ATG7: variants seen among roughly 807,000 people sequenced by gnomAD.
ATG7 encodes ubiquitin-like modifier-activating enzyme ATG7.
In ATG7, 70 loss-of-function variants were observed where a neutral mutation model predicts 82.4. The ratio of observed to expected loss-of-function variants is 0.85; its 90% CI spans 0.70 to 1.04. The LOEUF is 1.04. ATG7 is among the 50% of genes least tolerant of loss of function. ATG7 has a pLI of 0.00. For missense variants in ATG7, 792 were observed against 864.3 expected, an observed-to-expected ratio of 0.92 and a Z score of 1.05; for synonymous variants, 287 against 313.0, an observed-to-expected ratio of 0.92 and a Z score of 0.88.
intron 20 of ATG7, among the ~76,000 whole-genome samples, chr3:11,542,488 C>G (rs929340767): frequency 1.3e-5 from 2 of 152,170 alleles, no homozygotes; most frequent in Non-Finnish European, 2.9e-5. Context: ...CTTAGCACTT[C>G]CTGGGAGGGA....
intron 9 of ATG7, among the ~76,000 whole-genome samples, chr3:11,330,853 AG>A (rs536348475): frequency 1.3e-4 from 20 of 152,238 alleles, no homozygotes; most frequent in Non-Finnish European, 2.4e-4. Context: ...GGGAAAGGGG[AG>A]GGAGGAAATA....
intron 1 of ATG7, among the ~76,000 whole-genome samples, chr3:11,275,056 A>G (rs1941410875): frequency 6.6e-6 from 1 of 152,062 alleles, no homozygotes; most frequent in South Asian, 2.1e-4. Context: ...GGATGAAGGC[A>G]GTGACAGTGG....
chr3:11,329,678 A>C lies in ATG7; in HGVS notation c.679-1662A>C, dbSNP rs532719223. ...TTTATTTTGGGATAATTTTAGATTT[A>C]CAGAAGATAGTGGCAAAGACAGTAC... On this transcript the variant is annotated intron_variant, in intron 9 of 20. Coordinates refer to ENST00000693202, the MANE Select transcript of ATG7 (RefSeq NM_001349232.2). 2.6e-5 allele frequency among the ~76,000 whole-genome samples: 4 copies of C among 152,330 alleles called. No individual in the cohort carries two copies. The East Asian group carries it at 7.7e-4, about 29-fold the overall frequency.
At chr3:11,352,138 G>C (rs561594572) in intron 14 of ATG7, among the ~76,000 whole-genome samples, 1 of 152,120 alleles carries the variant, frequency 6.6e-6, no homozygotes, top group Admixed American at 6.5e-5. Context: ...TGCTCAGAAT[G>C]ATGATTTCCA....
At chr3:11,392,475 A>AAAC (rs1553640639) in intron 19 of ATG7, among the ~76,000 whole-genome samples, 41 of 92,366 alleles carry the variant, frequency 4.4e-4, no homozygotes, top group South Asian at 2.5e-3. Context: ...AACAAACAAA[A>AAAC]AAAACAAAAC....
chr3:11,567,329 A>G, the ATG7 span, among the ~76,000 whole-genome samples: 1 of 152,156 alleles, frequency 6.6e-6, no homozygotes, highest in African/African-American at 2.4e-5. Flanking sequence ...TAAACCGAGT[A>G]TATTGATTAT....
intron 20 of ATG7, among the ~76,000 whole-genome samples, chr3:11,503,321 T>C (rs1286043878): frequency 6.6e-6 from 1 of 152,028 alleles, no homozygotes; most frequent in Non-Finnish European, 1.5e-5. Flanking sequence ...AAAAAGACAA[T>C]GTAAGGAGAT....
intron 20 of ATG7, among the ~76,000 whole-genome samples, chr3:11,535,749 TAGG>T (rs1424574565): frequency 2.0e-5 from 3 of 152,104 alleles, no homozygotes; most frequent in Non-Finnish European, 4.4e-5. Flanking sequence ...TTCTCAGTCT[TAGG>T]AGAGCTGTTC....
chr3:11,417,810 A>ATTTTTTTTTTTT (rs368598930), intron 19 of ATG7, among the ~76,000 whole-genome samples: 1 of 97,986 alleles, frequency 1.0e-5, no homozygotes, highest in Non-Finnish European at 2.0e-5. Context: ...ATTTTATTTT[A>ATTTTTTTTTTTT]TTTTATTTTT....
intron 20 of ATG7, among the ~76,000 whole-genome samples, chr3:11,445,325 G>A (rs774081101): frequency 6.6e-6 from 1 of 152,136 alleles, no homozygotes; most frequent in Non-Finnish European, 1.5e-5. Context: ...GTGGTAGACT[G>A]GATAAAGAAA....
At position 11,517,898 on chromosome 3, in the gene ATG7, G is replaced by A. The variant is rs144073041; in HGVS notation, c.2080-36913G>A. The stretch of plus-strand genomic sequence containing the variant: ...AGAACCAGAGTGTTTTTAGCAGGGT[G>A]GTGTGATCAGATTCCTACTTCAGAA... On this transcript the variant is annotated intron_variant, in intron 20 of 20. Transcript: ENST00000693202. Among the ~76,000 whole-genome samples, 633 of 152,338 alleles carry A rather than the reference G, an allele frequency of 4.2e-3. 4 individuals carry two copies. Among genetic ancestry groups the A allele is most frequent in the Admixed American group, 0.012 (187 of 15,296 alleles).
At chr3:11,551,664 A>G (rs1294266456) in intron 20 of ATG7, among the ~76,000 whole-genome samples, 2 of 152,112 alleles carry the variant, frequency 1.3e-5, no homozygotes, top group Non-Finnish European at 2.9e-5. Flanking sequence ...TCCTGGCCTC[A>G]AGCAGTCCAC....
intron 20 of ATG7, among the ~76,000 whole-genome samples, chr3:11,472,565 C>T (rs536646468): frequency 7.2e-5 from 11 of 152,150 alleles, no homozygotes; most frequent in South Asian, 2.1e-4. Context: ...ATTAGAAAAC[C>T]GGTGAGTTTA....
At position 11,315,266 on chromosome 3, in the gene ATG7, C is replaced by T. The variant is rs1014844118; in HGVS notation, c.529-78C>T. 5 of 1,297,900 alleles carry T rather than the reference C, an allele frequency of 3.9e-6. No homozygotes were observed. The African/African-American group carries it at 6.1e-5, about 16-fold the overall frequency. The allele number at this position is 1,297,900 out of a possible 1,614,324, so 80.4% of individuals were successfully genotyped here. A position where few individuals can be genotyped will look rare whatever the true frequency, so the allele number is the denominator to read the frequency against. ...TTCTAGTCTTCTGGTTTTAAGGTAC[C>T]TTTTTTTTGAGTTAGTTTTTAGCCC... On this transcript the variant is annotated intron_variant, in intron 8 of 20. Coordinates refer to ENST00000693202, the MANE Select transcript of ATG7 (RefSeq NM_001349232.2).
At chr3:11,561,123 A>G (rs1287531159), downstream of ATG7, among the ~76,000 whole-genome samples, 1 of 141,538 alleles carries the variant, frequency 7.1e-6, no homozygotes, top group Non-Finnish European at 1.5e-5. Context: ...GGGCTCTAGG[A>G]GACCCCCCCC....
At chr3:11,307,699 T>C (rs1437711345) in intron 6 of ATG7, among the ~76,000 whole-genome samples, 1 of 152,250 alleles carries the variant, frequency 6.6e-6, no homozygotes, top group Admixed American at 6.5e-5. Flanking sequence ...TTTGCTTCTT[T>C]ACATTGGAGT....
chr3:11,289,474 C>G (rs908759913), intron 3 of ATG7, among the ~76,000 whole-genome samples: 1 of 152,200 alleles, frequency 6.6e-6, no homozygotes, highest in Admixed American at 6.5e-5. Context: ...TGTTTTCAGC[C>G]TGTCATGGAA....
intron 20 of ATG7, among the ~76,000 whole-genome samples, chr3:11,528,585 G>C (rs143153751): frequency 2.1e-3 from 324 of 152,244 alleles, no homozygotes; most frequent in African/African-American, 7.2e-3. Context: ...CCAGCACTTT[G>C]GGAGGCTGAG....
In ATG7 at chr3:11,283,364, T is replaced by C. The variant is rs574300407; in HGVS notation, c.-11+926T>C. 2.0e-5 allele frequency among the ~76,000 whole-genome samples: 3 copies of C among 152,258 alleles called. No homozygotes were observed. In the South Asian group the frequency reaches 6.2e-4, roughly 32 times the overall value. On this transcript the variant is annotated intron_variant, in intron 3 of 20. Transcript: ENST00000693202. ...CAAGAAAAACTACCAGCAGCTACCA[T>C]TTATTGACTGCTTGCTGTATGCCAG...
Sources: gnomAD v4.1 joint callset for allele counts (sites outside exome capture counted in the v4.1 genomes callset) on GRCh38, gnomAD v4.1.1 for gene constraint, MANE v1.5 for transcripts, NCBI Gene and HGNC (gene_info 2026-07-23, HGNC 2026-07-21) for gene names.